TMEM163: variants seen among roughly 807,000 people sequenced by gnomAD.
TMEM163 encodes transmembrane protein 163.
In TMEM163, 17 loss-of-function variants were observed where a neutral mutation model predicts 29.3. The ratio of observed to expected loss-of-function variants is 0.58; its 90% CI spans 0.40 to 0.87. The LOEUF (loss-of-function observed/expected upper bound fraction) is 0.87, where lower values mean the gene tolerates loss of function less well. Among genes scored for constraint, TMEM163 ranks in the 40% least tolerant of loss-of-function variants. The pLI is 0.00. For synonymous variants in TMEM163, 157 were observed against 160.6 expected, an observed-to-expected ratio of 0.98 and a Z score of 0.17; for missense variants, 303 against 381.5, an observed-to-expected ratio of 0.79 and a Z score of 1.71.
At position 134,456,489 on chromosome 2, in the gene TMEM163, C is replaced by T. The variant is rs995718517; in HGVS notation, c.*227G>A. 7.3e-5 allele frequency: 41 copies of T among 565,178 alleles called. No individual in the cohort carries two copies. The highest frequency in any genetic ancestry group is 9.4e-5 in the African/African-American group (5 of 53,124). The allele number at this position is 565,178 out of a possible 1,614,324, so 35.0% of individuals were successfully genotyped here. A position where few individuals can be genotyped will look rare whatever the true frequency, so the allele number is the denominator to read the frequency against. Reference sequence around the variant, plus strand: ...AAAAAACGCCAGTCCCAGCTGGAGACGGGGAAGGAGGTCCATTCCTATGGG... The same window carrying T: ...AAAAAACGCCAGTCCCAGCTGGAGATGGGGAAGGAGGTCCATTCCTATGGG... On this transcript the variant is annotated 3_prime_UTR_variant, in exon 8 of 8. Transcript: ENST00000281924.
chr2:134,501,298 G>A (rs1349587546), intron 5 of TMEM163, among the ~76,000 whole-genome samples: 2 of 152,098 alleles, frequency 1.3e-5, no homozygotes, highest in African/African-American at 2.4e-5. Flanking sequence ...AATGTAAGTC[G>A]GTGAGCTGCT....
chr2:134,560,551 C>T (rs930022366), intron 2 of TMEM163, among the ~76,000 whole-genome samples: 2 of 152,290 alleles, frequency 1.3e-5, no homozygotes, highest in African/African-American at 4.8e-5. Context: ...CTTTCTGGGG[C>T]ACAATGGAGA....
At chr2:134,545,406 C>T (rs1680758307) in intron 4 of TMEM163, among the ~76,000 whole-genome samples, 1 of 152,198 alleles carries the variant, frequency 6.6e-6, no homozygotes, top group South Asian at 2.1e-4. Context: ...GCTTTCCCTG[C>T]CTTTGCAGTA....
At chr2:134,628,017 C>T (rs887906948) in intron 2 of TMEM163, among the ~76,000 whole-genome samples, 6 of 152,020 alleles carry the variant, frequency 3.9e-5, no homozygotes, top group South Asian at 2.1e-4. Flanking sequence ...GAAATGATAA[C>T]GGGTTTATTA....
chr2:134,714,611 G>C (rs1045530988), intron 1 of TMEM163, among the ~76,000 whole-genome samples: 1 of 152,164 alleles, frequency 6.6e-6, no homozygotes, highest in East Asian at 1.9e-4. Context: ...AGAATGTCAA[G>C]AAGGTTGCTG....
chr2:134,502,907 T>C lies in TMEM163; in HGVS notation c.549A>G (p.Pro183=), dbSNP rs149280532. ...GGAAGAAGAAGGACCTTACCACTTC[T>C]GGGAGCAGCCTAGTTGAGAGGTCAT... ...AIHDLSTRLL[P]EVDDFLFSVS... The change falls in exon 5 of 8, where the codon CCA becomes CCG. Residue 183 remains proline (P), a synonymous_variant. Coordinates refer to ENST00000281924, the MANE Select transcript of TMEM163 (RefSeq NM_030923.5). 1 of 1,613,698 alleles carries C rather than the reference T, an allele frequency of 6.2e-7. No individual in the cohort carries two copies. The highest frequency in any genetic ancestry group is 1.1e-5 in the South Asian group (1 of 90,952).
intron 5 of TMEM163, among the ~76,000 whole-genome samples, chr2:134,472,727 C>T (rs1686832273): frequency 6.6e-6 from 1 of 152,208 alleles, no homozygotes; most frequent in Admixed American, 6.5e-5. Context: ...AAGACTTCAA[C>T]AACATGATCA....
Position 134,544,470 on chromosome 2 carries a change from C to T in TMEM163, c.458+6100G>A, listed in dbSNP as rs555154729. On this transcript the variant is annotated intron_variant, in intron 4 of 7. Transcript: ENST00000281924. ...TACAGTAGCCACTAGCTGCATGGGCCTATTTAAATTCTTTAAATCAAGTTA... is the reference window on the plus strand; with the variant it reads ...TACAGTAGCCACTAGCTGCATGGGCTTATTTAAATTCTTTAAATCAAGTTA... Among the ~76,000 whole-genome samples, 3 of 152,300 alleles carry T rather than the reference C, an allele frequency of 2.0e-5. No individual in the cohort carries two copies. The East Asian group carries it at 5.8e-4, about 29-fold the overall frequency.
intron 5 of TMEM163, among the ~76,000 whole-genome samples, chr2:134,486,820 G>C (rs1392410872): frequency 2.0e-5 from 3 of 152,144 alleles, no homozygotes; most frequent in African/African-American, 7.2e-5. Flanking sequence ...AAAATAGTAG[G>C]TTGAGTCCAG....
At chr2:134,603,823 T>C (rs1574273412) in intron 2 of TMEM163, among the ~76,000 whole-genome samples, 1 of 17,042 alleles carries the variant, frequency 5.9e-5, no homozygotes, top group East Asian at 2.2e-3. Context: ...GTATATAAGG[T>C]GGAAGGTGGG....
rs143671679 is a variant in TMEM163, at chr2:134,464,301, A to G, written c.667+1813T>C. On this transcript the variant is annotated intron_variant, in intron 6 of 7. Transcript: ENST00000281924. ...CTGGGGCAGGCACAGGGGCAGCACCAAACTTCAGTGTGCACCACATAGTCT... is the reference window on the plus strand; with the variant it reads ...CTGGGGCAGGCACAGGGGCAGCACCGAACTTCAGTGTGCACCACATAGTCT... Among the ~76,000 whole-genome samples the G allele has an allele frequency of 2.2e-4, 33 of 152,170 alleles. 2 individuals carry two copies. The highest frequency in any genetic ancestry group is 7.9e-4 in the African/African-American group (33 of 41,512).
chr2:134,516,572 AAT>A (rs1194383934), intron 4 of TMEM163, among the ~76,000 whole-genome samples: 5 of 149,196 alleles, frequency 3.4e-5, no homozygotes, highest in South Asian at 2.1e-4. Context: ...AAAATAAATA[AAT>A]ATATATATAT....
intron 2 of TMEM163, among the ~76,000 whole-genome samples, chr2:134,578,270 C>T (rs1681610693): frequency 6.6e-6 from 1 of 152,198 alleles, no homozygotes; most frequent in Admixed American, 6.5e-5. Context: ...TCTGCTCACA[C>T]TATTTCCTGT....
chr2:134,502,683 G>T (rs1558925072), intron 5 of TMEM163, among the ~76,000 whole-genome samples: 1 of 152,134 alleles, frequency 6.6e-6, no homozygotes, highest in Non-Finnish European at 1.5e-5. Flanking sequence ...AAGGCACACA[G>T]AACCCAGTCC....
intron 2 of TMEM163, among the ~76,000 whole-genome samples, chr2:134,649,383 C>A (rs1040603869): frequency 6.6e-6 from 1 of 152,194 alleles, no homozygotes; most frequent in South Asian, 2.1e-4. Context: ...GACCAATACA[C>A]CCTCAAAGCG....
chr2:134,586,841 CA>C (rs1171204600), intron 2 of TMEM163, among the ~76,000 whole-genome samples: 2 of 152,288 alleles, frequency 1.3e-5, no homozygotes, highest in East Asian at 3.9e-4. Context: ...GTTATTAGAG[CA>C]AGCCATCTTA....
At chr2:134,518,446 T>C (rs1680120667) in intron 4 of TMEM163, among the ~76,000 whole-genome samples, 1 of 152,210 alleles carries the variant, frequency 6.6e-6, no homozygotes, top group East Asian at 1.9e-4. Flanking sequence ...TCCACACCCA[T>C]TATCATCCTG....
Position 134,541,755 on chromosome 2 carries a change from C to T in TMEM163, c.458+8815G>A, listed in dbSNP as rs138856995. ...GTTTTAAAAAAGCTAAATGGATATA[C>T]GTGTGTGTACACACGTGCACACACA... On this transcript the variant is annotated intron_variant, in intron 4 of 7. Coordinates refer to ENST00000281924, the MANE Select transcript of TMEM163 (RefSeq NM_030923.5). 3.8e-3 allele frequency among the ~76,000 whole-genome samples: 553 copies of T among 145,582 alleles called. 6 individuals carry two copies. Among genetic ancestry groups the T allele is most frequent in the African/African-American group, 0.014 (521 of 38,272 alleles).
At chr2:134,718,263 A>G (rs1325410768) in intron 1 of TMEM163, among the ~76,000 whole-genome samples, 1 of 151,904 alleles carries the variant, frequency 6.6e-6, no homozygotes, top group Admixed American at 6.5e-5. Flanking sequence ...GCGGCCGCCG[A>G]GGGACATCTC....
Sources: allele counts gnomAD v4.1 joint callset (sites outside exome capture counted in the v4.1 genomes callset), GRCh38; gene constraint gnomAD v4.1.1; transcripts MANE v1.5; gene names NCBI Gene and HGNC (gene_info 2026-07-23, HGNC 2026-07-21).